Variants in POMT2 observed in about 807,000 individuals in gnomAD.
The protein encoded by POMT2 is protein O-mannosyltransferase 2, also known as protein O-mannosyl-transferase 2.
In POMT2, 75 loss-of-function variants were observed where a neutral mutation model predicts 100.0. The observed-to-expected ratio is 0.75, with a 90% CI of 0.62 to 0.91. The LOEUF is 0.91. Among genes scored for constraint, POMT2 ranks in the 40% least tolerant of loss-of-function variants. POMT2 has a pLI of 0.00. For missense variants in POMT2, 940 were observed against 955.1 expected, an observed-to-expected ratio of 0.98 and a Z score of 0.21; for synonymous variants, 378 against 374.1, an observed-to-expected ratio of 1.01 and a Z score of -0.12.
chr14:77,306,386 T>C lies in POMT2; in HGVS notation c.389A>G (p.Gln130Arg), dbSNP rs758643051. 16 of 1,613,302 alleles carry C rather than the reference T, an allele frequency of 9.9e-6. No individual in the cohort carries two copies. The highest frequency in any genetic ancestry group is 1.7e-5 in the Admixed American group (1 of 60,010). Residue 130 changes from glutamine (Q) to arginine (R), a missense_variant, in exon 3 of 21, where the codon CAG becomes CGG. Gln to Arg is a conservative substitution (Grantham distance 43, BLOSUM62 1). Transcript: ENST00000261534. ...LSGYDGTFLF[Q>R]KPGDKYEHHS... ...ATGCTCATATTTATCCCCAGGCTTCTGGAACAAAAAGGTACCATCATATCC... is the reference window on the plus strand; with the variant it reads ...ATGCTCATATTTATCCCCAGGCTTCCGGAACAAAAAGGTACCATCATATCC...
intron 1 of POMT2, among the ~76,000 whole-genome samples, chr14:77,315,422 C>A (rs1891589008): frequency 6.6e-6 from 1 of 152,208 alleles, no homozygotes; most frequent in African/African-American, 2.4e-5. Context: ...CTTCTAGACG[C>A]ATTAGTTCGA....
chr14:77,314,161 G>GTTTGC (rs1174823974), intron 1 of POMT2, among the ~76,000 whole-genome samples: 1 of 152,168 alleles, frequency 6.6e-6, no homozygotes, highest in Non-Finnish European at 1.5e-5. Context: ...CAAGAATGCT[G>GTTTGC]TTTGCAGTAA....
At chr14:77,306,085 C>A (rs1336391094) in intron 3 of POMT2, among the ~76,000 whole-genome samples, 1 of 152,188 alleles carries the variant, frequency 6.6e-6, no homozygotes, top group African/African-American at 2.4e-5. Context: ...CGGGGCAGGG[C>A]AGCAGGTGAC....
chr14:77,281,936 A>G (rs1290075008), intron 15 of POMT2, among the ~76,000 whole-genome samples: 1 of 152,226 alleles, frequency 6.6e-6, no homozygotes, highest in Non-Finnish European at 1.5e-5. Flanking sequence ...AATCCAGTTC[A>G]GCAAGGGGCT....
At chr14:77,287,807 C>T (rs1463868839) in intron 11 of POMT2, 2 of 152,120 alleles carry the variant, frequency 1.3e-5, no homozygotes, top group Non-Finnish European at 2.9e-5. Context: ...ACCTAGGAGA[C>T]ACGACCAATC....
At position 77,280,426 on chromosome 14, in the gene POMT2, G is replaced by A. The variant is rs142445941; in HGVS notation, c.1691C>T (p.Thr564Met). The A allele has an allele frequency of 7.5e-5, 121 of 1,614,152 alleles. No homozygotes were observed. The Admixed American group carries it at 8.2e-4, about 11-fold the overall frequency. The change falls in exon 16 of 21, where the codon ACG (threonine) becomes ATG (methionine). Residue 564 changes from threonine (T) to methionine (M), a missense_variant. Thr to Met is a moderately conservative substitution (Grantham distance 81, BLOSUM62 -1). Transcript: ENST00000261534. ...SGLKPKDNEFTSKPWHWPINY... is the reference protein window; with the variant it reads ...SGLKPKDNEFMSKPWHWPINY... ...GATAGGCCAGTGCCAGGGTTTGGAC[G>A]TGAACTCATTGTCCTTGGGTTTGAG...
At chr14:77,317,560 T>A (rs1211066985) in intron 1 of POMT2, among the ~76,000 whole-genome samples, 1 of 152,222 alleles carries the variant, frequency 6.6e-6, no homozygotes, top group African/African-American at 2.4e-5. Flanking sequence ...CCCTCAAAGA[T>A]CAACTCAAAA....
At chr14:77,284,645 C>T (rs1890352372) in intron 14 of POMT2, among the ~76,000 whole-genome samples, 1 of 152,136 alleles carries the variant, frequency 6.6e-6, no homozygotes, top group Non-Finnish European at 1.5e-5. Flanking sequence ...CAGCTTGCTC[C>T]AAGCCTGGAG....
chr14:77,279,786 C>T (rs369294476), intron 18 of POMT2, 37 bp downstream of exon 18: 96 of 1,591,896 alleles, frequency 6.0e-5, no homozygotes, highest in Middle Eastern at 1.6e-4. Context: ...GCCCTGCTGC[C>T]GCCAGGTCAG....
intron 1 of POMT2, 125 bp from the exon 2 acceptor site, chr14:77,312,158 T>A (rs1891459688): frequency 1.3e-5 from 17 of 1,316,216 alleles, no homozygotes; most frequent in African/African-American, 1.5e-5. Context: ...AGTCTGGATT[T>A]AAAAAAAAAA....
chr14:77,319,280 T>G (rs1891745610), intron 1 of POMT2, among the ~76,000 whole-genome samples: 1 of 152,210 alleles, frequency 6.6e-6, no homozygotes, highest in African/African-American at 2.4e-5. Context: ...TAAGCTGGCC[T>G]TATTCTGCTG....
intron 11 of POMT2, 21 bp from the exon 12 acceptor site, chr14:77,286,843 G>A (rs1890443673): frequency 6.2e-7 from 1 of 1,614,164 alleles, no homozygotes; most frequent in Non-Finnish European, 8.5e-7. Flanking sequence ...GAAAAGAGAA[G>A]TGTCATTATC....
At chr14:77,302,794 A>G in intron 5 of POMT2, 41 bp downstream of exon 5, 1 of 1,555,258 alleles carries the variant, frequency 6.4e-7, no homozygotes, top group Non-Finnish European at 8.8e-7. Context: ...TGGAGTTGCC[A>G]CAGCTTCCAA....
intron 1 of POMT2, among the ~76,000 whole-genome samples, chr14:77,313,503 T>G (rs1225823858): frequency 1.3e-5 from 2 of 152,174 alleles, no homozygotes; most frequent in Non-Finnish European, 2.9e-5. Flanking sequence ...ATGAAGACAA[T>G]AATATTATCT....
chr14:77,298,516 C>T (rs1890910367), intron 8 of POMT2, among the ~76,000 whole-genome samples, 173 bp downstream of exon 8: 1 of 152,220 alleles, frequency 6.6e-6, no homozygotes, highest in Non-Finnish European at 1.5e-5. Flanking sequence ...GGATGTCTTC[C>T]TCTCCTCTGT....
intron 20 of POMT2, 22 bp downstream of exon 20, chr14:77,278,372 T>G: frequency 6.9e-7 from 1 of 1,448,238 alleles, no homozygotes; most frequent in Non-Finnish European, 9.5e-7. Flanking sequence ...TGGGAGGGCA[T>G]GTGAGGTGCA....
At position 77,320,682 on chromosome 14, in the gene POMT2, C is replaced by T. The variant is rs1348540940; in HGVS notation, c.-1G>A. ...GGCCTCCGCCCGTGGCCGGCGGCAT[C>T]TTCCCCCTCCTCTGGGTCGCCCTCC... On this transcript the variant is annotated 5_prime_UTR_variant, in exon 1 of 21. Coordinates refer to ENST00000261534, the MANE Select transcript of POMT2 (RefSeq NM_013382.7). The T allele has an allele frequency of 6.3e-7, 1 of 1,593,154 alleles. No homozygotes were observed. Among genetic ancestry groups the T allele is most frequent in the Non-Finnish European group, 8.5e-7 (1 of 1,178,090 alleles).
At chr14:77,307,556 T>C (rs978565697) in intron 2 of POMT2, among the ~76,000 whole-genome samples, 14 of 152,224 alleles carry the variant, frequency 9.2e-5, no homozygotes, top group Non-Finnish European at 1.9e-4. Flanking sequence ...TCTTCCCACC[T>C]GGGATCTCGC....
intron 8 of POMT2, among the ~76,000 whole-genome samples, chr14:77,298,224 T>A (rs1228321887): frequency 6.6e-6 from 1 of 152,154 alleles, no homozygotes; most frequent in Non-Finnish European, 1.5e-5. Context: ...CGCCTGTCAA[T>A]CCCCAGAGCT....
Sources: allele counts gnomAD v4.1 joint callset (sites outside exome capture counted in the v4.1 genomes callset), GRCh38; gene constraint gnomAD v4.1.1; transcripts MANE v1.5; gene names NCBI Gene and HGNC (gene_info 2026-07-23, HGNC 2026-07-21).